SLC38A2: variants seen among roughly 807,000 people sequenced by gnomAD.
SLC38A2 encodes solute carrier family 38 member 2.
SLC38A2 carries 11 observed loss-of-function variants against 61.5 expected under a neutral mutation model. The ratio of observed to expected loss-of-function variants is 0.18; its 90% confidence interval spans 0.11 to 0.30. The LOEUF is 0.30. Ranked by LOEUF, SLC38A2 falls within the 10% of genes least tolerant of loss-of-function variation. SLC38A2 has a pLI of 1.00. For synonymous variants in SLC38A2, 217 were observed against 212.5 expected (o/e 1.02, Z -0.18); for missense variants, 522 against 600.4 (o/e 0.87, Z 1.36).
intron 10 of SLC38A2, 112 bp downstream of exon 10, chr12:46,364,277 A>G (rs1439560149): frequency 8.7e-7 from 1 of 1,143,620 alleles, no homozygotes. Context: ...TTAGCTAATC[A>G]CATGTTTTCT....
At chr12:46,372,406 G>C (rs1377393757) in intron 1 of SLC38A2, 103 bp downstream of exon 1, 13 of 321,182 alleles carry the variant, frequency 4.0e-5, no homozygotes, top group Non-Finnish European at 7.3e-5. Context: ...GAAAGGAAAC[G>C]GACCCCGCGG....
rs1943071516 is a variant in SLC38A2, at chr12:46,360,640, G to A, written c.*471C>T. 6.5e-6 allele frequency: 1 copy of A among 153,020 alleles called. No homozygotes were observed. The highest frequency in any genetic ancestry group is 2.1e-4 in the South Asian group (1 of 4,840). The allele number at this position is 153,020 out of a possible 1,614,324, so 9.5% of individuals were successfully genotyped here. On this transcript the variant is annotated 3_prime_UTR_variant, in exon 16 of 16. Coordinates refer to ENST00000256689, the MANE Select transcript of SLC38A2 (RefSeq NM_018976.5). ...AAAGCAATTTCTTAAAAGTAAAAGA[G>A]TGCTTCTGAGGTCTTTAAGTATTTT...
chr12:46,364,530 C>A lies in SLC38A2; in HGVS notation c.732G>T (p.Pro244=). 6.2e-7 allele frequency: 1 copy of A among 1,606,784 alleles called. No homozygotes were observed. The part of the protein sequence containing the change: ...IVVICKKFQV[P]CPVEAALIIN... Reference sequence around the variant, plus strand: ...TTATCAAAGCAGCTTCCACAGGACACGGAACCTGAAATTTCTTGCAAATGA... The same window carrying A: ...TTATCAAAGCAGCTTCCACAGGACAAGGAACCTGAAATTTCTTGCAAATGA... Residue 244 remains proline, a synonymous_variant, in exon 10 of 16, where the codon CCG becomes CCT. Transcript: ENST00000256689.
intron 2 of SLC38A2, 33 bp downstream of exon 2, chr12:46,371,145 C>T (rs1467631714): frequency 6.3e-7 from 1 of 1,587,664 alleles, no homozygotes; most frequent in Non-Finnish European, 8.7e-7. Flanking sequence ...CCCATGCAAG[C>T]CGTTTTTTCA....
intron 12 of SLC38A2, 67 bp from the exon 13 acceptor site, chr12:46,363,212 A>T: frequency 1.9e-6 from 3 of 1,557,080 alleles, no homozygotes; most frequent in Non-Finnish European, 2.6e-6. Flanking sequence ...AAAATTTAAC[A>T]GCAAAATGTG....
rs1943219209 is a variant in SLC38A2 at position 46,372,673 on chromosome 12, C to T, written c.-251G>A. The T allele has an allele frequency of 5.0e-6, 2 of 398,548 alleles. No individual in the cohort carries two copies. Among genetic ancestry groups the T allele is most frequent in the Non-Finnish European group, 4.4e-6 (1 of 225,978 alleles). The allele number at this position is 398,548 out of a possible 1,614,324, so 24.7% of individuals were successfully genotyped here. A position where few individuals can be genotyped will look rare whatever the true frequency, so the allele number is the denominator to read the frequency against. On this transcript the variant is annotated 5_prime_UTR_variant, in exon 1 of 16. Transcript: ENST00000256689. ...ATTGCCGCCCCAATCCTCCGGCGTC[C>T]GCCGTGTCAAGGGAAAGGCGCGAGC...
At chr12:46,371,566 A>G (rs558877675) in intron 1 of SLC38A2, 187 bp from the exon 2 acceptor site, 39 of 428,386 alleles carry the variant, frequency 9.1e-5, no homozygotes, top group Admixed American at 4.0e-4. Flanking sequence ...CGGGGAGAAC[A>G]AAGATGATGC....
Position 46,363,954 on chromosome 12 carries a change from G to A in SLC38A2, c.923C>T (p.Ala308Val). ...ILIFSFVCHP[A>V]VLPIYEELKD... is the part of the protein sequence containing the mutation. ...CAGTTCTTCATAGATGGGAAGAACAGCAGGATGACAGACAAATGAAAAGAT... is the reference window on the plus strand; with the variant it reads ...CAGTTCTTCATAGATGGGAAGAACAACAGGATGACAGACAAATGAAAAGAT... The change falls in exon 11 of 16, where the codon GCT becomes GTT. Residue 308 changes from alanine (A) to valine (V), a missense_variant. By Grantham distance (64) the Ala-to-Val change is moderately conservative. Transcript: ENST00000256689. 6.2e-7 allele frequency: 1 copy of A among 1,612,190 alleles called. No homozygotes were observed. Among genetic ancestry groups the A allele is most frequent in the Non-Finnish European group, 8.5e-7 (1 of 1,178,980 alleles).
chr12:46,365,643 ATAT>A (rs1288584514), intron 7 of SLC38A2, among the ~76,000 whole-genome samples: 11 of 152,132 alleles, frequency 7.2e-5, no homozygotes, highest in African/African-American at 1.9e-4. Flanking sequence ...GCGTTAGCAA[ATAT>A]TATTAAATAT....
At chr12:46,361,362 G>T (rs949669877) in intron 15 of SLC38A2, among the ~76,000 whole-genome samples, 153 bp from the exon 16 acceptor site, 1 of 152,154 alleles carries the variant, frequency 6.6e-6, no homozygotes, top group African/African-American at 2.4e-5. Context: ...AAACTCCTAA[G>T]TGATCAGTAT....
rs1194776286 is a variant in SLC38A2, at chr12:46,372,724, T to C, written c.-302A>G. On this transcript the variant is annotated 5_prime_UTR_variant, in exon 1 of 16. Coordinates refer to ENST00000256689, the MANE Select transcript of SLC38A2 (RefSeq NM_018976.5). ...GTGCGGTAACGCGTGGTCGGGCTGC[T>C]GCTAGCAGTACTGGAAAGGCGTTCT... The C allele has an allele frequency of 7.5e-6, 3 of 398,364 alleles. No individual in the cohort carries two copies. Among genetic ancestry groups the C allele is most frequent in the Non-Finnish European group, 1.3e-5 (3 of 225,954 alleles). 24.7% of individuals were successfully genotyped at this position (398,364 alleles called of 1,614,324 possible). A position where few individuals can be genotyped will look rare whatever the true frequency, so the allele number is the denominator to read the frequency against.
Position 46,364,539 on chromosome 12 carries a change from A to C in SLC38A2, c.723T>G (p.Phe241Leu). The change falls in exon 10 of 16, where the codon TTT becomes TTG. Residue 241 changes from phenylalanine to leucine, a missense_variant. Coordinates refer to ENST00000256689, the MANE Select transcript of SLC38A2 (RefSeq NM_018976.5). ...FFLIVVICKKFQVPCPVEAAL... is the reference protein window; with the variant it reads ...FFLIVVICKKLQVPCPVEAAL... Reference sequence around the variant, plus strand: ...CAGCTTCCACAGGACACGGAACCTGAAATTTCTTGCAAATGACCTAAAAAT... The same window carrying C: ...CAGCTTCCACAGGACACGGAACCTGCAATTTCTTGCAAATGACCTAAAAAT... 1 of 1,604,904 alleles carries C rather than the reference A, an allele frequency of 6.2e-7. No homozygotes were observed. The highest frequency in any genetic ancestry group is 8.5e-7 in the Non-Finnish European group (1 of 1,177,224).
At position 46,371,336 on chromosome 12, in the gene SLC38A2, C is replaced by T. The variant is rs1281316153; in HGVS notation, c.-43G>A. ...ATCGGGTGCAGCTAGTAGCGCTGGG[C>T]TCCTTTTGTCCTTGGCGGTGGGTGC... On this transcript the variant is annotated 5_prime_UTR_variant, in exon 2 of 16. Coordinates refer to ENST00000256689, the MANE Select transcript of SLC38A2 (RefSeq NM_018976.5). The T allele has an allele frequency of 6.5e-7, 1 of 1,528,202 alleles. No individual in the cohort carries two copies. Among genetic ancestry groups the T allele is most frequent in the Non-Finnish European group, 9.1e-7 (1 of 1,102,886 alleles). The allele number at this position is 1,528,202 out of a possible 1,614,324, so 94.7% of individuals were successfully genotyped here.
At chr12:46,362,998 A>G in intron 13 of SLC38A2, 23 bp downstream of exon 13, 1 of 1,611,090 alleles carries the variant, frequency 6.2e-7, no homozygotes, top group Non-Finnish European at 8.5e-7. Context: ...TTCCTACTGA[A>G]AGCAGAGCAA....
chr12:46,361,255 T>C (rs1310187575), intron 15 of SLC38A2, 46 bp from the exon 16 acceptor site: 11 of 1,437,852 alleles, frequency 7.7e-6, no homozygotes, highest in African/African-American at 2.8e-5. Flanking sequence ...ATAAAACATA[T>C]ATGCTAAACA....
At chr12:46,365,808 A>G (rs937066522) in intron 7 of SLC38A2, among the ~76,000 whole-genome samples, 35 of 152,116 alleles carry the variant, frequency 2.3e-4, no homozygotes, top group Non-Finnish European at 3.7e-4. Flanking sequence ...AAGACAGCCA[A>G]AAATATCCCT....
At position 46,362,342 on chromosome 12, in the gene SLC38A2, G is replaced by C; in HGVS notation, c.1364C>G (p.Ser455Cys). 1 of 1,612,262 alleles carries C rather than the reference G, an allele frequency of 6.2e-7. No individual in the cohort carries two copies. The highest frequency in any genetic ancestry group is 1.1e-5 in the South Asian group (1 of 90,782). ...AASMLIFILPSAFYIKLVKKE... is the reference protein window; with the variant it reads ...AASMLIFILPCAFYIKLVKKE... ...CTTCACCAACTTGATATAGAAGGCA[G>C]AAGGAAGAATAAAAATCAACATAGA... Residue 455 changes from serine to cysteine, a missense_variant, in exon 15 of 16, where the codon TCT (serine) becomes TGT (cysteine). Ser to Cys is a moderately radical substitution (Grantham distance 112). Transcript: ENST00000256689.
Position 46,362,362 on chromosome 12 carries a change from C to T in SLC38A2, c.1344G>A (p.Met448Ile). Residue 448 changes from methionine to isoleucine, a missense_variant, in exon 15 of 16, where the codon ATG becomes ATA. Met to Ile is a conservative substitution (Grantham distance 10). This residue lies in a region of SLC38A2 where 309 missense variants were observed against 343.9 expected (regional missense o/e 0.90). Coordinates refer to ENST00000256689, the MANE Select transcript of SLC38A2 (RefSeq NM_018976.5). ...FGFIGASAASMLIFILPSAFY... is the reference protein window; with the variant it reads ...FGFIGASAASILIFILPSAFY... ...AGGCAGAAGGAAGAATAAAAATCAACATAGAAGCTGCAGATGCACCTGTAA... is the reference window on the plus strand; with the variant it reads ...AGGCAGAAGGAAGAATAAAAATCAATATAGAAGCTGCAGATGCACCTGTAA... The T allele has an allele frequency of 6.2e-7, 1 of 1,611,776 alleles. No individual in the cohort carries two copies.
chr12:46,371,519 C>G (rs1943200470), intron 1 of SLC38A2, 140 bp from the exon 2 acceptor site: 3 of 505,942 alleles, frequency 5.9e-6, no homozygotes, highest in Non-Finnish European at 1.0e-5. Flanking sequence ...GGGGCGGGGG[C>G]GCGCCGAGGG....
Sources: allele counts gnomAD v4.1 joint callset (sites outside exome capture counted in the v4.1 genomes callset), GRCh38; gene constraint gnomAD v4.1.1; regional missense constraint gnomAD v4.1.1; transcripts MANE v1.5; gene names NCBI Gene and HGNC (gene_info 2026-07-23, HGNC 2026-07-21).